The following CNTN5 variants were observed in gnomAD, a reference collection of about 807,000 sequenced individuals.
CNTN5 encodes the protein contactin 5.
A neutral mutation model predicts 129.1 loss-of-function variants in CNTN5; 77 were observed. That is an observed-to-expected ratio of 0.60 (90% CI 0.50 to 0.72). CNTN5 has a LOEUF of 0.72. Among genes scored for constraint, CNTN5 ranks in the 30% least tolerant of loss-of-function variants. The pLI, the probability that CNTN5 is intolerant of heterozygous loss-of-function variation, is 0.00. For synonymous variants in CNTN5, 509 were observed against 465.6 expected (o/e 1.09, Z -1.20); for missense variants, 1,478 against 1,328.8 (o/e 1.11, Z -1.75).
At chr11:99,111,115 A>T (rs1857773998) in intron 1 of CNTN5, among the ~76,000 whole-genome samples, 1 of 152,142 alleles carries the variant, frequency 6.6e-6, no homozygotes, top group Non-Finnish European at 1.5e-5. Context: ...CCAATTCAAC[A>T]TGAGAATTTA....
intron 1 of CNTN5, among the ~76,000 whole-genome samples, chr11:99,214,083 A>G (rs757470229): frequency 2.6e-5 from 4 of 152,178 alleles, no homozygotes; most frequent in Non-Finnish European, 5.9e-5. Context: ...ACACTTACTT[A>G]ACAGAGTAAG....
chr11:99,170,050 GT>G lies in CNTN5; in HGVS notation c.-210+148787del, dbSNP rs555796555. ...TGGTAATCACTAATATTGTGTATCA[GT>G]TTTTTTGTGCTACATGTTATGAATA... On this transcript the variant is annotated intron_variant, in intron 1 of 24. Coordinates refer to ENST00000524871, the MANE Select transcript of CNTN5 (RefSeq NM_014361.4). Among the ~76,000 whole-genome samples, 322 of 151,958 alleles carry G rather than the reference GT, an allele frequency of 2.1e-3. 2 individuals carry two copies. The highest frequency in any genetic ancestry group is 7.1e-3 in the African/African-American group (296 of 41,482).
intron 2 of CNTN5, among the ~76,000 whole-genome samples, chr11:99,437,690 G>T (rs899844130): frequency 3.3e-5 from 5 of 152,198 alleles, no homozygotes; most frequent in Admixed American, 1.3e-4. Context: ...TAGCCGGGTG[G>T]CATGCGCCTG....
At chr11:99,578,347 A>G (rs1396491432) in intron 3 of CNTN5, among the ~76,000 whole-genome samples, 1 of 150,928 alleles carries the variant, frequency 6.6e-6, no homozygotes, top group Non-Finnish European at 1.5e-5. Context: ...TATACCCAGT[A>G]ATGGGATAGT....
At chr11:99,719,945 A>G (rs629632) in intron 3 of CNTN5, among the ~76,000 whole-genome samples, 2 of 152,038 alleles carry the variant, frequency 1.3e-5, no homozygotes, top group Non-Finnish European at 2.9e-5. Flanking sequence ...TTGATAAATT[A>G]CTGGACACAT....
At chr11:99,554,381 T>C (rs1488822018) in intron 2 of CNTN5, among the ~76,000 whole-genome samples, 1 of 152,142 alleles carries the variant, frequency 6.6e-6, no homozygotes, top group Non-Finnish European at 1.5e-5. Flanking sequence ...TTTGCTACTG[T>C]GTCCAGTTTC....
At chr11:99,949,479 T>C (rs533890909) in intron 7 of CNTN5, among the ~76,000 whole-genome samples, 1 of 152,260 alleles carries the variant, frequency 6.6e-6, no homozygotes, top group South Asian at 2.1e-4. Flanking sequence ...TTGGGGGCTT[T>C]ATCAGTGAAT....
At chr11:100,145,201 C>T (rs578183287) in intron 13 of CNTN5, among the ~76,000 whole-genome samples, 5 of 152,048 alleles carry the variant, frequency 3.3e-5, no homozygotes, top group South Asian at 2.1e-4. Context: ...GACAAAATTA[C>T]GCCGCTAAAT....
intron 2 of CNTN5, among the ~76,000 whole-genome samples, chr11:99,339,306 G>T (rs529646864): frequency 1.4e-4 from 21 of 152,210 alleles, no homozygotes; most frequent in African/African-American, 4.8e-4. Flanking sequence ...GAATGTCTTG[G>T]CAGAAATAAA....
rs11403866 is a variant in CNTN5 at position 99,219,663 on chromosome 11, TA to T, written c.-209-105669del. On this transcript the variant is annotated intron_variant, in intron 1 of 24. Transcript: ENST00000524871. ...TTTTTTGTCTTACTTTGAGTAAGAT[TA>T]AAAAAAAAAAAAACTATTGCAGGAT... 2.5e-3 allele frequency among the ~76,000 whole-genome samples: 364 copies of T among 144,518 alleles called. 3 individuals carry two copies. Among genetic ancestry groups the T allele is most frequent in the African/African-American group, 6.5e-3 (258 of 39,458 alleles). 94.8% of individuals were successfully genotyped at this position (144,518 alleles called of 152,430 possible).
rs200415964 is a variant in CNTN5, at chr11:100,271,259, T to C, written c.2314+18T>C. 3.2e-6 allele frequency: 5 copies of C among 1,581,490 alleles called. No homozygotes were observed. The highest frequency in any genetic ancestry group is 4.3e-6 in the Non-Finnish European group (5 of 1,165,044). ...TGAAGCAGGTAAAAATTTGGAAGAG[T>C]CAGATTGGATTTGGTATGCTTCTAA... On this transcript the variant is annotated intron_variant, in intron 18 of 24. Transcript: ENST00000524871.
intron 3 of CNTN5, among the ~76,000 whole-genome samples, chr11:99,797,312 T>C (rs1945975297): frequency 6.6e-6 from 1 of 152,190 alleles, no homozygotes; most frequent in Non-Finnish European, 1.5e-5. Flanking sequence ...GTTTAAGTTA[T>C]TTGAGAAATC....
chr11:99,631,705 A>G (rs1221266799), intron 3 of CNTN5, among the ~76,000 whole-genome samples: 1 of 103,706 alleles, frequency 9.6e-6, no homozygotes, highest in African/African-American at 3.0e-5. Context: ...TCATTGGGAA[A>G]ACACACACAA....
intron 3 of CNTN5, among the ~76,000 whole-genome samples, chr11:99,711,098 G>T (rs533002224): frequency 6.6e-6 from 1 of 151,696 alleles, no homozygotes; most frequent in Non-Finnish European, 1.5e-5. Flanking sequence ...TAAATTTCCC[G>T]ACAGAATCGT....
chr11:99,678,071 T>G (rs1037344726), intron 3 of CNTN5, among the ~76,000 whole-genome samples: 3 of 152,150 alleles, frequency 2.0e-5, no homozygotes, highest in African/African-American at 7.2e-5. Context: ...TTTTTATTTC[T>G]ATTATTTGGG....
chr11:99,065,015 C>T (rs1370185871), intron 1 of CNTN5, among the ~76,000 whole-genome samples: 1 of 151,900 alleles, frequency 6.6e-6, no homozygotes, highest in East Asian at 1.9e-4. Flanking sequence ...ACACTTAAAA[C>T]TTAATGGTAA....
At chr11:99,935,699 A>G (rs544498405) in intron 7 of CNTN5, among the ~76,000 whole-genome samples, 2 of 152,218 alleles carry the variant, frequency 1.3e-5, no homozygotes, top group East Asian at 3.9e-4. Context: ...GTTGATAAGT[A>G]TTGTCAAACT....
chr11:99,930,437 A>G (rs1420569106), intron 7 of CNTN5, among the ~76,000 whole-genome samples: 1 of 152,012 alleles, frequency 6.6e-6, no homozygotes, highest in Non-Finnish European at 1.5e-5. Flanking sequence ...GGTGTTTCCT[A>G]TGTGTTAGGA....
chr11:100,171,602 T>A (rs538614464), intron 13 of CNTN5, among the ~76,000 whole-genome samples: 1 of 152,152 alleles, frequency 6.6e-6, no homozygotes, highest in South Asian at 2.1e-4. Flanking sequence ...GAAAAAGTTA[T>A]CAGTTTTGAA....
Sources: gnomAD v4.1 joint callset for allele counts (sites outside exome capture counted in the v4.1 genomes callset) on GRCh38, gnomAD v4.1.1 for gene constraint, MANE v1.5 for transcripts, NCBI Gene and HGNC (gene_info 2026-07-23, HGNC 2026-07-21) for gene names.